MIOS: variants seen among roughly 807,000 people sequenced by gnomAD.
MIOS encodes the protein meiosis regulator for oocyte development.
In MIOS, 52 loss-of-function variants were observed where a neutral mutation model predicts 96.9. The ratio of observed to expected loss-of-function variants is 0.54; its 90% CI spans 0.43 to 0.68. MIOS has a LOEUF of 0.68. Ranked by LOEUF, MIOS falls within the 30% of genes least tolerant of loss-of-function variation. The pLI, the probability that MIOS is intolerant of heterozygous loss-of-function variation, is 0.00. For missense variants in MIOS, 1,005 were observed against 1,052.8 expected (o/e 0.95, Z 0.63); for synonymous variants, 397 against 359.5 (o/e 1.10, Z -1.18).
chr7:7,605,889 TTTAAA>T, intron 11 of MIOS, 48 bp from the exon 12 acceptor site: 2 of 1,515,554 alleles, frequency 1.3e-6, no homozygotes, highest in East Asian at 2.4e-5. Context: ...TGAAAGTAAC[TTTAAA>T]TAAAATATTA....
At chr7:7,599,803 C>T (rs1784317322) in intron 11 of MIOS, among the ~76,000 whole-genome samples, 2 of 152,138 alleles carry the variant, frequency 1.3e-5, no homozygotes, top group Admixed American at 1.3e-4. Context: ...ACTTCAATGC[C>T]CATCAGTGGT....
intron 11 of MIOS, among the ~76,000 whole-genome samples, chr7:7,600,623 C>T (rs1784347943): frequency 6.6e-6 from 1 of 152,130 alleles, no homozygotes; most frequent in African/African-American, 2.4e-5. Context: ...TAATGGGAGA[C>T]TTTAACACCC....
chr7:7,578,061 C>G (rs996283086), intron 5 of MIOS, among the ~76,000 whole-genome samples: 6 of 152,010 alleles, frequency 3.9e-5, no homozygotes, highest in Non-Finnish European at 5.9e-5. Flanking sequence ...TTTTGGAAGG[C>G]TATGTGGTTG....
At chr7:7,593,902 GAAAA>G (rs1202183851) in intron 9 of MIOS, among the ~76,000 whole-genome samples, 3 of 99,622 alleles carry the variant, frequency 3.0e-5, no homozygotes, top group African/African-American at 1.3e-4. Flanking sequence ...AAAAGAAAAA[GAAAA>G]GAAAAAAAGA....
At chr7:7,603,811 C>G (rs1346116061) in intron 11 of MIOS, among the ~76,000 whole-genome samples, 1 of 151,940 alleles carries the variant, frequency 6.6e-6, no homozygotes, top group Non-Finnish European at 1.5e-5. Context: ...TGGAACCAAG[C>G]CAGATATCCA....
intron 5 of MIOS, among the ~76,000 whole-genome samples, chr7:7,580,669 GAC>G (rs1418072556): frequency 5.4e-5 from 8 of 148,146 alleles, no homozygotes; most frequent in Admixed American, 4.7e-4. Context: ...AGAGAGTTTA[GAC>G]CTTTGACTAT....
intron 11 of MIOS, among the ~76,000 whole-genome samples, chr7:7,598,475 T>A (rs1244228351): frequency 6.6e-6 from 1 of 151,798 alleles, no homozygotes; most frequent in Non-Finnish European, 1.5e-5. Context: ...ATTTAAATTT[T>A]AATCAAGGAT....
chr7:7,585,864 C>A, intron 7 of MIOS, 59 bp downstream of exon 7: 1 of 1,371,820 alleles, frequency 7.3e-7, no homozygotes. Flanking sequence ...TTTTATCTAA[C>A]TTTATTAAAA....
intron 5 of MIOS, among the ~76,000 whole-genome samples, chr7:7,575,175 T>C (rs1783488804): frequency 6.6e-6 from 1 of 152,180 alleles, no homozygotes; most frequent in South Asian, 2.1e-4. Flanking sequence ...TAACATTATT[T>C]AGTCAAAGAG....
Position 7,574,180 on chromosome 7 carries a change from TGTAAA to T in MIOS, c.1380_1384del (p.Lys461IlefsTer11). On this transcript the variant is annotated frameshift_variant, in exon 5 of 13. Transcript: ENST00000340080. ...TGGTTTATGCAGGAATTAAATCAAT[TGTAAA>T]GTCATCGTTGGGTAAGAAAATTCTA... 1 of 1,606,234 alleles carries T rather than the reference TGTAAA, an allele frequency of 6.2e-7. No homozygotes were observed.
chr7:7,576,412 A>T (rs1783535460), intron 5 of MIOS, among the ~76,000 whole-genome samples: 2 of 152,202 alleles, frequency 1.3e-5, no homozygotes, highest in Admixed American at 1.3e-4. Flanking sequence ...CATAGGGAAG[A>T]ACAGACAGTT....
chr7:7,584,903 A>T (rs1783837481), intron 6 of MIOS, among the ~76,000 whole-genome samples: 1 of 152,192 alleles, frequency 6.6e-6, no homozygotes, highest in African/African-American at 2.4e-5. Flanking sequence ...GACTATTGGT[A>T]ACAAATGCTT....
chr7:7,604,000 G>A (rs1229422439), intron 11 of MIOS, among the ~76,000 whole-genome samples: 1 of 151,286 alleles, frequency 6.6e-6, no homozygotes, highest in African/African-American at 2.4e-5. Flanking sequence ...CTGACAGGCG[G>A]GAATTGAACA....
chr7:7,586,094 A>G lies in MIOS; in HGVS notation c.1818+289A>G, dbSNP rs541500253. ...TCCTTTAGCTTAAGAACTGAGCTGTAGAAATCTACAGCTGTGTAAACATAA... is the reference window on the plus strand; with the variant it reads ...TCCTTTAGCTTAAGAACTGAGCTGTGGAAATCTACAGCTGTGTAAACATAA... On this transcript the variant is annotated intron_variant, in intron 7 of 12. Transcript: ENST00000340080. Among the ~76,000 whole-genome samples the G allele has an allele frequency of 8.3e-4, 127 of 152,224 alleles. 1 individual carries two copies. In the South Asian group the frequency reaches 1.0e-2, roughly 12 times the overall value.
At chr7:7,604,775 G>A (rs1784478397) in intron 11 of MIOS, among the ~76,000 whole-genome samples, 1 of 152,092 alleles carries the variant, frequency 6.6e-6, no homozygotes, top group Admixed American at 6.6e-5. Context: ...AAAAATATAA[G>A]GATATGCCTT....
At chr7:7,581,436 T>C (rs138900508) in intron 5 of MIOS, among the ~76,000 whole-genome samples, 1 of 152,226 alleles carries the variant, frequency 6.6e-6, no homozygotes, top group Non-Finnish European at 1.5e-5. Context: ...AAATTAACTT[T>C]GGTAGTGTAT....
intron 9 of MIOS, among the ~76,000 whole-genome samples, chr7:7,591,251 G>A (rs1300381992): frequency 6.7e-6 from 1 of 148,188 alleles, no homozygotes; most frequent in Non-Finnish European, 1.5e-5. Flanking sequence ...AGAATCAGCT[G>A]TTCTTATGCT....
chr7:7,591,798 C>G (rs796101791), intron 9 of MIOS, among the ~76,000 whole-genome samples: 38 of 152,096 alleles, frequency 2.5e-4, no homozygotes, highest in African/African-American at 7.9e-4. Flanking sequence ...GTCTGTTTTT[C>G]AGCAGATTTG....
At chr7:7,604,493 A>G (rs188410740) in intron 11 of MIOS, among the ~76,000 whole-genome samples, 47 of 152,212 alleles carry the variant, frequency 3.1e-4, no homozygotes, top group Non-Finnish European at 5.9e-4. Context: ...AGTGCTAGAA[A>G]TGTTACAGTA....
Sources: allele counts gnomAD v4.1 joint callset (sites outside exome capture counted in the v4.1 genomes callset), GRCh38; gene constraint gnomAD v4.1.1; transcripts MANE v1.5; gene names NCBI Gene and HGNC (gene_info 2026-07-23, HGNC 2026-07-21).